The following CNTNAP2 variants were observed in gnomAD, a reference collection of about 807,000 sequenced individuals.
CNTNAP2 encodes the protein contactin-associated protein-like 2.
A neutral mutation model predicts 155.2 loss-of-function variants in CNTNAP2; 98 were observed. That is an observed-to-expected ratio of 0.63 (90% CI 0.54 to 0.75). The LOEUF is 0.75. CNTNAP2 is among the 30% of genes least tolerant of loss of function. The probability of loss-of-function intolerance (pLI) is 0.00; values close to 1 mark genes in which losing one functional copy is unlikely to be tolerated. For synonymous variants in CNTNAP2, 651 were observed against 631.2 expected (o/e 1.03, Z -0.47); for missense variants, 1,727 against 1,688.1 (o/e 1.02, Z -0.40).
At chr7:147,896,468 C>CT (rs1195504501) in intron 13 of CNTNAP2, among the ~76,000 whole-genome samples, 4 of 152,154 alleles carry the variant, frequency 2.6e-5, no homozygotes, top group Non-Finnish European at 5.9e-5. Context: ...TCAAATCAGT[C>CT]TCCCCAAGCA....
chr7:148,150,555 A>G (rs1585153260), intron 17 of CNTNAP2, among the ~76,000 whole-genome samples: 1 of 152,060 alleles, frequency 6.6e-6, no homozygotes, highest in Non-Finnish European at 1.5e-5. Flanking sequence ...CTCAGAAAAA[A>G]AAAACAAGAC....
At chr7:147,802,770 G>GGGGAGA (rs1252498373) in intron 13 of CNTNAP2, among the ~76,000 whole-genome samples, 3 of 143,204 alleles carry the variant, frequency 2.1e-5, no homozygotes, top group Admixed American at 1.4e-4. Context: ...ACTGTGGAAA[G>GGGGAGA]GGGAGAGGGA....
intron 9 of CNTNAP2, among the ~76,000 whole-genome samples, chr7:147,380,557 C>G (rs1471654099): frequency 6.6e-6 from 1 of 152,046 alleles, no homozygotes; most frequent in Non-Finnish European, 1.5e-5. Context: ...CAAGCACACT[C>G]CTAAGCATCA....
intron 1 of CNTNAP2, among the ~76,000 whole-genome samples, chr7:146,656,651 C>T (rs374664198): frequency 2.6e-5 from 4 of 152,204 alleles, no homozygotes; most frequent in East Asian, 1.9e-4. Context: ...TTGTTAAAGG[C>T]GTTAGGTAGG....
chr7:148,147,430 T>C, intron 16 of CNTNAP2, 61 bp from the exon 17 acceptor site: 2 of 1,498,554 alleles, frequency 1.3e-6, no homozygotes, highest in Non-Finnish European at 1.9e-6. Context: ...GTCTAGAATT[T>C]ACTGCTATTT....
chr7:146,218,801 G>A (rs911976617), intron 1 of CNTNAP2, among the ~76,000 whole-genome samples: 1 of 152,194 alleles, frequency 6.6e-6, no homozygotes, highest in East Asian at 1.9e-4. Flanking sequence ...AAAGCTTTGG[G>A]AGAATGAGTC....
intron 21 of CNTNAP2, among the ~76,000 whole-genome samples, chr7:148,291,314 A>ATAT (rs1563028119): frequency 1.0e-5 from 1 of 95,576 alleles, no homozygotes; most frequent in Non-Finnish European, 2.2e-5. Context: ...TATATATATA[A>ATAT]AATATGGAAT....
At chr7:147,191,571 T>C (rs564226099) in intron 8 of CNTNAP2, among the ~76,000 whole-genome samples, 1 of 152,318 alleles carries the variant, frequency 6.6e-6, no homozygotes, top group East Asian at 1.9e-4. Flanking sequence ...CTCTGGAAAC[T>C]GCCTAATGAT....
At chr7:148,020,965 G>A (rs1373929846) in intron 15 of CNTNAP2, among the ~76,000 whole-genome samples, 1 of 152,188 alleles carries the variant, frequency 6.6e-6, no homozygotes, top group Non-Finnish European at 1.5e-5. Flanking sequence ...GTCAATCATT[G>A]AATCGGTTAC....
intron 11 of CNTNAP2, among the ~76,000 whole-genome samples, chr7:147,539,266 C>T (rs117554717): frequency 0.013 from 2,011 of 152,196 alleles, 20 homozygotes; most frequent in South Asian, 0.022. Context: ...ACTTACACAG[C>T]ACTCAATAAG....
rs1794919677 is a variant in CNTNAP2, at chr7:147,300,282, T to A, written c.1490T>A (p.Phe497Tyr). 3.7e-6 allele frequency: 6 copies of A among 1,613,636 alleles called. No homozygotes were observed. In the Admixed American group the frequency reaches 8.3e-5, roughly 22 times the overall value. Residue 497 changes from phenylalanine (F) to tyrosine (Y), a missense_variant, in exon 9 of 24, where the codon TTT becomes TAT. Physicochemically the swap from Phe to Tyr is conservative, Grantham distance 22. Coordinates refer to ENST00000361727, the MANE Select transcript of CNTNAP2 (RefSeq NM_014141.6). ...CAAGTTAAAACTGGCGAGAAGTACT[T>A]TTTTGGAGGTAAGAATGCCATTCCT... is the stretch of plus-strand genomic sequence containing the variant. ...PLQVKTGEKY[F>Y]FGGFLNQMNN...
At chr7:147,372,563 T>A (rs1447968270) in intron 9 of CNTNAP2, among the ~76,000 whole-genome samples, 2 of 152,132 alleles carry the variant, frequency 1.3e-5, no homozygotes, top group Non-Finnish European at 2.9e-5. Flanking sequence ...TGTAATTTAG[T>A]AAGTAATTCA....
intron 12 of CNTNAP2, among the ~76,000 whole-genome samples, chr7:147,605,130 TC>T (rs1801036371): frequency 6.6e-6 from 1 of 152,162 alleles, no homozygotes; most frequent in Non-Finnish European, 1.5e-5. Flanking sequence ...GTGCATCGTT[TC>T]CTACTATACC....
chr7:146,627,798 AT>A, intron 1 of CNTNAP2, among the ~76,000 whole-genome samples: 1 of 152,278 alleles, frequency 6.6e-6, no homozygotes, highest in East Asian at 1.9e-4. Context: ...ATGCATGAAA[AT>A]TTAGAAAACT....
chr7:146,280,713 A>G (rs1800237716), intron 1 of CNTNAP2, among the ~76,000 whole-genome samples: 1 of 152,136 alleles, frequency 6.6e-6, no homozygotes, highest in African/African-American at 2.4e-5. Flanking sequence ...TTTCTGGAAT[A>G]TGGTTCAGGC....
intron 21 of CNTNAP2, among the ~76,000 whole-genome samples, chr7:148,311,363 A>G (rs953866295): frequency 7.1e-6 from 1 of 140,804 alleles, no homozygotes; most frequent in Non-Finnish European, 1.5e-5. Flanking sequence ...TTTGCTAAGG[A>G]GGGATTAGAA....
At chr7:147,182,458 T>A (rs972330995) in intron 8 of CNTNAP2, among the ~76,000 whole-genome samples, 5 of 152,160 alleles carry the variant, frequency 3.3e-5, no homozygotes, top group African/African-American at 4.8e-5. Flanking sequence ...AAATAATATT[T>A]GTAACTTTAT....
intron 23 of CNTNAP2, among the ~76,000 whole-genome samples, chr7:148,411,099 A>G (rs1799824312): frequency 6.6e-6 from 1 of 152,212 alleles, no homozygotes; most frequent in Admixed American, 6.5e-5. Flanking sequence ...ATGGACAGCT[A>G]CATAATAATT....
At chr7:147,206,076 AT>A (rs1424719632) in intron 8 of CNTNAP2, among the ~76,000 whole-genome samples, 1 of 152,146 alleles carries the variant, frequency 6.6e-6, no homozygotes, top group African/African-American at 2.4e-5. Flanking sequence ...CATGCTTATA[AT>A]TATCCTTTAA....
Sources: gnomAD v4.1 joint callset for allele counts (sites outside exome capture counted in the v4.1 genomes callset) on GRCh38, gnomAD v4.1.1 for gene constraint, MANE v1.5 for transcripts, NCBI Gene and HGNC (gene_info 2026-07-23, HGNC 2026-07-21) for gene names.